GALNT17: variants seen among roughly 807,000 people sequenced by gnomAD.
The protein encoded by GALNT17 is UDP-GalNAc:polypeptide N-acetylgalactosaminyltransferase-like 3.
Under a neutral mutation model 63.7 loss-of-function variants are expected in GALNT17, and 29 were observed. The observed-to-expected ratio is 0.46, with a 90% CI of 0.34 to 0.62. The LOEUF (loss-of-function observed/expected upper bound fraction) is 0.62. Ranked by LOEUF, GALNT17 falls within the 20% of genes least tolerant of loss-of-function variation. GALNT17 has a pLI of 0.01. For missense variants in GALNT17, 603 were observed against 799.6 expected, an observed-to-expected ratio of 0.75 and a Z score of 2.97; for synonymous variants, 305 against 318.3, an observed-to-expected ratio of 0.96 and a Z score of 0.45.
chr7:71,652,613 A>G (rs887426275), intron 6 of GALNT17, among the ~76,000 whole-genome samples: 3 of 152,242 alleles, frequency 2.0e-5, no homozygotes, highest in Admixed American at 1.3e-4. Flanking sequence ...GTTGAGAATC[A>G]GACAAAGGGC....
intron 2 of GALNT17, among the ~76,000 whole-genome samples, chr7:71,358,113 C>T (rs983649999): frequency 5.9e-5 from 9 of 152,112 alleles, no homozygotes; most frequent in Admixed American, 2.6e-4. Flanking sequence ...CTTTTTGGGT[C>T]GGTGCCACCT....
intron 6 of GALNT17, among the ~76,000 whole-genome samples, chr7:71,650,389 A>G (rs1028920276): frequency 6.6e-6 from 1 of 152,212 alleles, no homozygotes. Flanking sequence ...AGCTGGGACT[A>G]CAGGCATGCA....
chr7:71,385,714 G>A lies in GALNT17; in HGVS notation c.423-2521G>A, dbSNP rs181287993. 2.0e-4 allele frequency among the ~76,000 whole-genome samples: 30 copies of A among 152,260 alleles called. No individual in the cohort carries two copies. In the East Asian group the frequency reaches 5.0e-3, roughly 26 times the overall value. Reference sequence around the variant, plus strand: ...TTTGCCCCCAGCAGGCCATGGGCACGGTGCACCTGGCTGCAGAGGACCTTC... The same window carrying A: ...TTTGCCCCCAGCAGGCCATGGGCACAGTGCACCTGGCTGCAGAGGACCTTC... On this transcript the variant is annotated intron_variant, in intron 2 of 10. Transcript: ENST00000333538.
chr7:71,377,758 C>G (rs902922401), intron 2 of GALNT17, among the ~76,000 whole-genome samples: 3 of 152,106 alleles, frequency 2.0e-5, no homozygotes, highest in Non-Finnish European at 4.4e-5. Context: ...CAGTTTCCCC[C>G]ATGTTGTCCT....
At chr7:71,700,487 C>A (rs373961022) in intron 9 of GALNT17, among the ~76,000 whole-genome samples, 1 of 152,092 alleles carries the variant, frequency 6.6e-6, no homozygotes, top group Admixed American at 6.5e-5. Context: ...TCAGATGGCT[C>A]TTGATGAGAA....
chr7:71,158,167 A>G (rs1788272125), intron 1 of GALNT17, among the ~76,000 whole-genome samples: 1 of 149,274 alleles, frequency 6.7e-6, no homozygotes, highest in Admixed American at 6.7e-5. Context: ...GCTATATCCT[A>G]TGGTAGTTAG....
At chr7:71,514,869 G>A (rs536992747) in intron 5 of GALNT17, among the ~76,000 whole-genome samples, 245 of 152,226 alleles carry the variant, frequency 1.6e-3, no homozygotes, top group African/African-American at 5.5e-3. Context: ...TGTAGCTCCC[G>A]TAATTCCCAC....
At position 71,318,066 on chromosome 7, in the gene GALNT17, C is replaced by T. The variant is rs551221115; in HGVS notation, c.239-17484C>T. Among the ~76,000 whole-genome samples, 27 of 152,002 alleles carry T rather than the reference C, an allele frequency of 1.8e-4. No homozygotes were observed. In the South Asian group the frequency reaches 4.8e-3, roughly 27 times the overall value. On this transcript the variant is annotated intron_variant, in intron 1 of 10. Transcript: ENST00000333538. ...CCTCCCGAATAGCTGGGACCACGCC[C>T]GACTAGTTTTTTGTATTCTTTGTTG...
At chr7:71,293,293 A>G (rs1427552571) in intron 1 of GALNT17, among the ~76,000 whole-genome samples, 1 of 152,120 alleles carries the variant, frequency 6.6e-6, no homozygotes, top group Non-Finnish European at 1.5e-5. Flanking sequence ...GTTTTCCATG[A>G]TGTTTATGCT....
Position 71,393,266 on chromosome 7 carries a change from G to T in GALNT17, c.589+4865G>T, listed in dbSNP as rs548417426. ...TAGTTCTTCTTACATTAATATTGTT[G>T]TTCCTGCTTGCTAGTTCACATTTGA... On this transcript the variant is annotated intron_variant, in intron 3 of 10. Transcript: ENST00000333538. Among the ~76,000 whole-genome samples, 244 of 151,944 alleles carry T rather than the reference G, an allele frequency of 1.6e-3. 3 individuals carry two copies. Among genetic ancestry groups the T allele is most frequent in the Non-Finnish European group, 2.8e-3 (193 of 67,956 alleles).
intron 5 of GALNT17, among the ~76,000 whole-genome samples, chr7:71,424,464 G>A (rs1583940568): frequency 6.6e-6 from 1 of 152,296 alleles, no homozygotes; most frequent in Non-Finnish European, 1.5e-5. Context: ...GTCTCTGGGT[G>A]TGTAAGGTTC....
chr7:71,275,242 A>G (rs1198756845), intron 1 of GALNT17, among the ~76,000 whole-genome samples: 1 of 152,136 alleles, frequency 6.6e-6, no homozygotes, highest in African/African-American at 2.4e-5. Context: ...CCTTACGTTA[A>G]TAAATGCAGC....
intron 1 of GALNT17, among the ~76,000 whole-genome samples, chr7:71,136,298 T>C (rs1372135117): frequency 1.3e-5 from 2 of 152,196 alleles, no homozygotes; most frequent in Non-Finnish European, 2.9e-5. Flanking sequence ...CTTAATGTTC[T>C]TTATTCCCTT....
At chr7:71,547,401 G>T (rs1412142625) in intron 5 of GALNT17, among the ~76,000 whole-genome samples, 1 of 152,024 alleles carries the variant, frequency 6.6e-6, no homozygotes, top group Admixed American at 6.6e-5. Flanking sequence ...TGATCTGCCT[G>T]CCTTGGCCTC....
At chr7:71,585,705 T>C (rs145931879) in intron 6 of GALNT17, among the ~76,000 whole-genome samples, 270 of 152,264 alleles carry the variant, frequency 1.8e-3, no homozygotes, top group Non-Finnish European at 3.0e-3. Flanking sequence ...ATATTTACTT[T>C]TATTAAAGCA....
chr7:71,528,748 A>G (rs1189419931), intron 5 of GALNT17, among the ~76,000 whole-genome samples: 5 of 152,328 alleles, frequency 3.3e-5, no homozygotes, highest in Non-Finnish European at 7.3e-5. Context: ...TATATAACCA[A>G]AAACCACCTG....
intron 5 of GALNT17, among the ~76,000 whole-genome samples, chr7:71,555,883 C>T (rs964146141): frequency 2.6e-5 from 4 of 152,208 alleles, no homozygotes; most frequent in Non-Finnish European, 4.4e-5. Flanking sequence ...ATGCACGGCT[C>T]GTGCGCTTGA....
At chr7:71,511,908 C>T (rs1431681784) in intron 5 of GALNT17, among the ~76,000 whole-genome samples, 1 of 151,812 alleles carries the variant, frequency 6.6e-6, no homozygotes, top group African/African-American at 2.4e-5. Context: ...CCACAGTACT[C>T]TTAGGACACA....
chr7:71,354,278 G>A (rs1444016314), intron 2 of GALNT17, among the ~76,000 whole-genome samples: 1 of 152,186 alleles, frequency 6.6e-6, no homozygotes, highest in African/African-American at 2.4e-5. Context: ...AATTAGTGGA[G>A]ATAGTGGGAA....
Sources: allele counts gnomAD v4.1 joint callset (sites outside exome capture counted in the v4.1 genomes callset), GRCh38; gene constraint gnomAD v4.1.1; transcripts MANE v1.5; gene names NCBI Gene and HGNC (gene_info 2026-07-23, HGNC 2026-07-21).